The following FOCAD variants were observed in gnomAD, a reference collection of about 807,000 sequenced individuals.
FOCAD encodes focadhesin, also known as KIAA1797.
Under a neutral mutation model 225.6 loss-of-function variants are expected in FOCAD, and 198 were observed. That is an observed-to-expected ratio of 0.88 (90% CI 0.78 to 0.99). The LOEUF (loss-of-function observed/expected upper bound fraction) is 0.99. Among genes scored for constraint, FOCAD ranks in the 50% least tolerant of loss-of-function variants. FOCAD has a pLI of 0.00. For missense variants in FOCAD, 2,713 were observed against 2,123.6 expected (o/e 1.28, Z -5.46); for synonymous variants, 897 against 755.0 (o/e 1.19, Z -3.08).
At chr9:20,897,616 C>T (rs1832205690) in intron 21 of FOCAD, among the ~76,000 whole-genome samples, 1 of 151,558 alleles carries the variant, frequency 6.6e-6, no homozygotes, top group Admixed American at 6.6e-5. Flanking sequence ...AACACTATAC[C>T]ACTTCACAGG....
Position 20,979,235 on chromosome 9 carries a change from T to TGAAA in FOCAD, c.4377+781_4377+782insGAAA, listed in dbSNP as rs796910573. On this transcript the variant is annotated intron_variant, in intron 37 of 43. Transcript: ENST00000338382. ...TTTTAATTGTCTCCATAATCTGGAC[T>TGAAA]ATTCTTCTGTCCTAGGAGGCTTTAA... 9.2e-5 allele frequency among the ~76,000 whole-genome samples: 14 copies of TGAAA among 152,370 alleles called. 1 individual carries two copies. The highest frequency in any genetic ancestry group is 3.4e-4 in the African/African-American group (14 of 41,604).
At chr9:20,679,554 G>A (rs1241024139), upstream of FOCAD, among the ~76,000 whole-genome samples, 1 of 152,054 alleles carries the variant, frequency 6.6e-6, no homozygotes, top group Non-Finnish European at 1.5e-5. Context: ...TGACTTGGGA[G>A]TGGGCACATT....
At position 20,990,185 on chromosome 9, in the gene FOCAD, C is replaced by G. The variant is rs772378731; in HGVS notation, c.5067C>G (p.Ala1689=). 1 of 1,614,064 alleles carries G rather than the reference C, an allele frequency of 6.2e-7. No homozygotes were observed. The highest frequency in any genetic ancestry group is 1.3e-5 in the African/African-American group (1 of 74,938). The change falls in exon 42 of 44, where the codon GCC becomes GCG. Residue 1689 remains alanine (A), a synonymous_variant. Transcript: ENST00000338382. The part of the protein sequence containing the change: ...TAVVAWADHT[A]PLLLGLSASW... Reference sequence around the variant, plus strand: ...TGGTTGCATGGGCTGACCACACTGCCCCTCTCCTCCTCGGCCTCAGTGCCA... The same window carrying G: ...TGGTTGCATGGGCTGACCACACTGCGCCTCTCCTCCTCGGCCTCAGTGCCA...
At chr9:20,785,724 C>A (rs946672922) in intron 10 of FOCAD, among the ~76,000 whole-genome samples, 2 of 152,048 alleles carry the variant, frequency 1.3e-5, no homozygotes, top group African/African-American at 4.8e-5. Context: ...ATTCATGTAT[C>A]AGTTTTTGTG....
chr9:20,815,123 G>GTGGTTTTTTTTTTT (rs1564024181), intron 11 of FOCAD, among the ~76,000 whole-genome samples: 1 of 85,396 alleles, frequency 1.2e-5, no homozygotes, highest in African/African-American at 4.7e-5. Context: ...ACTTCTCTTT[G>GTGGTTTTTTTTTTT]TTTTTTTTTT....
intron 27 of FOCAD, among the ~76,000 whole-genome samples, chr9:20,932,105 A>G (rs1182961063): frequency 1.3e-5 from 2 of 152,160 alleles, no homozygotes; most frequent in Non-Finnish European, 2.9e-5. Flanking sequence ...ATATTTAAGT[A>G]TATTTTACTC....
chr9:20,820,707 T>C (rs1411603166), intron 13 of FOCAD, among the ~76,000 whole-genome samples: 1 of 152,126 alleles, frequency 6.6e-6, no homozygotes. Flanking sequence ...AGAGCCTTTG[T>C]AATTAGGGTG....
intron 8 of FOCAD, among the ~76,000 whole-genome samples, chr9:20,774,404 G>C (rs549351975): frequency 2.8e-4 from 42 of 152,266 alleles, no homozygotes; most frequent in Non-Finnish European, 5.1e-4. Context: ...TAATTCATTA[G>C]GAGTTGCAGA....
chr9:20,903,045 T>C (rs1199045847), intron 21 of FOCAD, among the ~76,000 whole-genome samples: 1 of 151,896 alleles, frequency 6.6e-6, no homozygotes, highest in Non-Finnish European at 1.5e-5. Context: ...TGTATGAATT[T>C]TGGCAAGTGC....
At chr9:20,690,928 C>T (rs573773835) in intron 1 of FOCAD, among the ~76,000 whole-genome samples, 2 of 148,674 alleles carry the variant, frequency 1.3e-5, no homozygotes, top group African/African-American at 2.5e-5. Context: ...TTTGAGACAG[C>T]TAGTCACTCT....
intron 35 of FOCAD, among the ~76,000 whole-genome samples, chr9:20,955,836 A>G (rs1838088186): frequency 6.6e-6 from 1 of 152,130 alleles, no homozygotes; most frequent in Non-Finnish European, 1.5e-5. Flanking sequence ...GATTTTATCC[A>G]CTTCTTTTAT....
chr9:20,862,465 A>T, intron 15 of FOCAD, 113 bp from the exon 16 acceptor site: 1 of 1,196,588 alleles, frequency 8.4e-7, no homozygotes, highest in Non-Finnish European at 1.2e-6. Context: ...TCTTCTAGGC[A>T]TAGTCTTATT....
intron 18 of FOCAD, among the ~76,000 whole-genome samples, chr9:20,867,939 T>A (rs931873278): frequency 2.0e-5 from 3 of 152,110 alleles, no homozygotes; most frequent in African/African-American, 7.2e-5. Context: ...CTGAATTGAA[T>A]TGGAGCCACG....
upstream of FOCAD, among the ~76,000 whole-genome samples, chr9:20,655,718 A>T (rs1050772994): frequency 5.9e-5 from 9 of 152,126 alleles, no homozygotes; most frequent in African/African-American, 2.2e-4. Flanking sequence ...TGATCCTTTC[A>T]AAAAACCAGC....
At chr9:20,986,499 G>T in intron 40 of FOCAD, 34 bp downstream of exon 40, 1 of 1,542,050 alleles carries the variant, frequency 6.5e-7, no homozygotes, top group South Asian at 1.2e-5. Context: ...TCAGAAACAG[G>T]AATAGATCTG....
chr9:20,909,751 T>G (rs1347168255), intron 22 of FOCAD, among the ~76,000 whole-genome samples: 1 of 152,138 alleles, frequency 6.6e-6, no homozygotes, highest in East Asian at 1.9e-4. Flanking sequence ...CATTTATGCT[T>G]AAACAAGTTT....
intron 15 of FOCAD, among the ~76,000 whole-genome samples, chr9:20,843,000 C>T (rs1284986990): frequency 6.6e-6 from 1 of 151,924 alleles, no homozygotes; most frequent in Non-Finnish European, 1.5e-5. Flanking sequence ...AAAAACTCTA[C>T]ACTTTAACTT....
chr9:20,697,159 C>G (rs1823441832), intron 1 of FOCAD, among the ~76,000 whole-genome samples: 1 of 152,186 alleles, frequency 6.6e-6, no homozygotes, highest in South Asian at 2.1e-4. Flanking sequence ...ATAAACATGT[C>G]CTAAGTCTGA....
Position 20,715,263 on chromosome 9 carries a change from T to C in FOCAD, c.-32-59T>C, listed in dbSNP as rs894129192. 5 of 693,144 alleles carry C rather than the reference T, an allele frequency of 7.2e-6. No individual in the cohort carries two copies. The Admixed American group carries it at 1.4e-4, about 19-fold the overall frequency. 42.9% of individuals were successfully genotyped at this position (693,144 alleles called of 1,614,324 possible). Reference sequence around the variant, plus strand: ...TCACATTATTTGAGGAATAATTAATTGGAGCCCCAATTCAGACCAGTTGGA... The same window carrying C: ...TCACATTATTTGAGGAATAATTAATCGGAGCCCCAATTCAGACCAGTTGGA... On this transcript the variant is annotated intron_variant, in intron 1 of 43. Coordinates refer to ENST00000338382, the MANE Select transcript of FOCAD (RefSeq NM_001375567.1).
Sources: allele counts gnomAD v4.1 joint callset (sites outside exome capture counted in the v4.1 genomes callset), GRCh38; gene constraint gnomAD v4.1.1; transcripts MANE v1.5; gene names NCBI Gene and HGNC (gene_info 2026-07-23, HGNC 2026-07-21).